The following STAU2 variants were observed in gnomAD, a reference collection of about 807,000 sequenced individuals.
STAU2 encodes the protein staufen double-stranded RNA binding protein 2.
In STAU2, 20 loss-of-function variants were observed where a neutral mutation model predicts 65.9. That is an observed-to-expected ratio of 0.30 (90% confidence interval 0.21 to 0.44). The LOEUF is 0.44. STAU2 is among the 20% of genes least tolerant of loss of function. The pLI, the probability that STAU2 is intolerant of heterozygous loss-of-function variation, is 1.00. For synonymous variants in STAU2, 232 were observed against 233.9 expected (o/e 0.99, Z 0.07); for missense variants, 558 against 683.9 (o/e 0.82, Z 2.05).
chr8:73,619,573 GT>G (rs1285535207), intron 6 of STAU2, among the ~76,000 whole-genome samples: 3 of 152,208 alleles, frequency 2.0e-5, no homozygotes, highest in Admixed American at 6.5e-5. Flanking sequence ...ATCAATGAAG[GT>G]TTACTGAAGG....
intron 6 of STAU2, among the ~76,000 whole-genome samples, chr8:73,665,041 T>G (rs2130353221): frequency 6.6e-6 from 1 of 152,304 alleles, no homozygotes; most frequent in African/African-American, 2.4e-5. Context: ...GATACTGATC[T>G]TAAGTTCACT....
intron 11 of STAU2, among the ~76,000 whole-genome samples, chr8:73,592,546 G>C (rs535205985): frequency 6.6e-6 from 1 of 152,058 alleles, no homozygotes; most frequent in South Asian, 2.1e-4. Context: ...AGCCTTCACT[G>C]GTAACTTCTA....
chr8:73,746,901 G>A, upstream of STAU2: 5 of 806,728 alleles, frequency 6.2e-6, no homozygotes, highest in Non-Finnish European at 6.2e-6. Flanking sequence ...GCCTCCGCCC[G>A]CCTCCGCCCG....
intron 6 of STAU2, among the ~76,000 whole-genome samples, chr8:73,664,986 T>A (rs910711574): frequency 6.6e-6 from 1 of 152,080 alleles, no homozygotes; most frequent in African/African-American, 2.4e-5. Flanking sequence ...AGCAAGACTG[T>A]CTCAAAAAAT....
At chr8:73,659,543 A>T (rs1816668658) in intron 6 of STAU2, among the ~76,000 whole-genome samples, 1 of 152,182 alleles carries the variant, frequency 6.6e-6, no homozygotes, top group Non-Finnish European at 1.5e-5. Flanking sequence ...GTCTCAAAAA[A>T]AGAAGAGCTT....
intron 13 of STAU2, among the ~76,000 whole-genome samples, chr8:73,479,761 A>G (rs1820515944): frequency 6.8e-6 from 1 of 147,252 alleles, no homozygotes; most frequent in African/African-American, 2.5e-5. Context: ...AGAACACTTT[A>G]CTGTGCATTT....
At chr8:73,705,285 G>A (rs1237332195) in intron 4 of STAU2, among the ~76,000 whole-genome samples, 6 of 152,144 alleles carry the variant, frequency 3.9e-5, no homozygotes, top group Admixed American at 3.9e-4. Context: ...GCTCGGCAAT[G>A]AAGGGCAAAG....
chr8:73,444,204 C>G (rs534322402), intron 13 of STAU2, among the ~76,000 whole-genome samples: 1 of 152,016 alleles, frequency 6.6e-6, no homozygotes, highest in Non-Finnish European at 1.5e-5. Flanking sequence ...GTCGGGAGTT[C>G]GAGACCAGCC....
At chr8:73,531,774 T>C (rs1805836483) in intron 13 of STAU2, among the ~76,000 whole-genome samples, 1 of 152,240 alleles carries the variant, frequency 6.6e-6, no homozygotes, top group East Asian at 1.9e-4. Context: ...AAAATTCCAT[T>C]CATTGTGTCT....
At chr8:73,492,889 G>T (rs1219661226) in intron 13 of STAU2, among the ~76,000 whole-genome samples, 1 of 151,674 alleles carries the variant, frequency 6.6e-6, no homozygotes, top group Non-Finnish European at 1.5e-5. Flanking sequence ...GTTAAATAAA[G>T]GTATATACAT....
At chr8:73,423,540 G>A (rs1248123748) in intron 13 of STAU2, among the ~76,000 whole-genome samples, 4 of 152,334 alleles carry the variant, frequency 2.6e-5, no homozygotes, top group East Asian at 1.9e-4. Context: ...GGCATGAGCA[G>A]GCAGGGCTGT....
At chr8:73,486,660 T>A (rs879521490) in intron 13 of STAU2, among the ~76,000 whole-genome samples, 9,798 of 46,580 alleles carry the variant, frequency 0.21, 652 homozygotes, top group African/African-American at 0.32. Context: ...TATATATATT[T>A]TTTTTTTTTT....
At chr8:73,635,908 C>CCACACACA (rs756554962) in intron 6 of STAU2, among the ~76,000 whole-genome samples, 10 of 74,876 alleles carry the variant, frequency 1.3e-4, no homozygotes, top group Non-Finnish European at 2.1e-4. Flanking sequence ...GACCCCTGAA[C>CCACACACA]CACACACACA....
chr8:73,566,549 A>G (rs62510316), intron 12 of STAU2, among the ~76,000 whole-genome samples: 3,073 of 152,312 alleles, frequency 0.02, 34 homozygotes, highest in Middle Eastern at 0.034. Context: ...GGAATTTCTT[A>G]AAAACACTAT....
At chr8:73,464,700 C>A (rs1819555814) in intron 13 of STAU2, among the ~76,000 whole-genome samples, 2 of 151,696 alleles carry the variant, frequency 1.3e-5, no homozygotes, top group Non-Finnish European at 2.9e-5. Context: ...CTTTCAAAAA[C>A]AAAGTGTAAA....
At chr8:73,447,254 T>C (rs573658881) in intron 13 of STAU2, among the ~76,000 whole-genome samples, 5 of 152,366 alleles carry the variant, frequency 3.3e-5, no homozygotes, top group Non-Finnish European at 7.3e-5. Context: ...AATTATTATA[T>C]TCTTATATAC....
rs1161995480 is a variant in STAU2, at chr8:73,543,376, A to G, written c.1530+8636T>C. On this transcript the variant is annotated intron_variant, in intron 13 of 14. Transcript: ENST00000524300. ...ATATACATTTTTCAAAACTCATCAA[A>G]CTGTACAATATGGGTGTGTTTTATC... Among the ~76,000 whole-genome samples the G allele has an allele frequency of 2.0e-5, 3 of 152,210 alleles. No homozygotes were observed. The South Asian group carries it at 6.2e-4, about 32-fold the overall frequency.
chr8:73,425,912 C>T (rs976407972), intron 13 of STAU2, among the ~76,000 whole-genome samples: 2 of 152,126 alleles, frequency 1.3e-5, no homozygotes, highest in East Asian at 3.9e-4. Flanking sequence ...TGCACCTCAG[C>T]CTCCTGAGTA....
intron 13 of STAU2, among the ~76,000 whole-genome samples, chr8:73,469,721 C>T (rs933832687): frequency 1.3e-5 from 2 of 152,028 alleles, no homozygotes; most frequent in African/African-American, 4.8e-5. Context: ...TAACAAGTGG[C>T]TGCTACTGGA....
Sources: gnomAD v4.1 joint callset for allele counts (sites outside exome capture counted in the v4.1 genomes callset) on GRCh38, gnomAD v4.1.1 for gene constraint, MANE v1.5 for transcripts, NCBI Gene and HGNC (gene_info 2026-07-23, HGNC 2026-07-21) for gene names.